Variants in RASL12 observed in about 807,000 individuals in gnomAD.
The protein encoded by RASL12 is ras-like protein family member 12.
In RASL12, 16 loss-of-function variants were observed where a neutral mutation model predicts 22.9. The ratio of observed to expected loss-of-function variants is 0.70; its 90% CI spans 0.47 to 1.06. The LOEUF (loss-of-function observed/expected upper bound fraction) is 1.06. Among genes scored for constraint, RASL12 ranks in the 50% least tolerant of loss-of-function variants. The pLI, the probability that RASL12 is intolerant of heterozygous loss-of-function variation, is 0.00. For missense variants in RASL12, 306 were observed against 353.1 expected, an observed-to-expected ratio of 0.87 and a Z score of 1.07; for synonymous variants, 159 against 152.2, an observed-to-expected ratio of 1.04 and a Z score of -0.33.
Position 65,055,209 on chromosome 15 carries a change from G to A in RASL12, c.491C>T (p.Ser164Phe). 6.2e-7 allele frequency: 1 copy of A among 1,610,162 alleles called. No homozygotes were observed. ...CACGTGCTCAAAGTCCAGACAGGCAGAGACCTCGAAAAACAGGCACCCAAA... is the reference window on the plus strand; with the variant it reads ...CACGTGCTCAAAGTCCAGACAGGCAAAGACCTCGAAAAACAGGCACCCAAA... ...GRFGCLFFEVSACLDFEHVQH... is the reference protein window; with the variant it reads ...GRFGCLFFEVFACLDFEHVQH... Residue 164 changes from serine to phenylalanine, a missense_variant, in exon 5 of 5, where the codon TCT (serine) becomes TTT (phenylalanine). Ser to Phe is a radical substitution (Grantham distance 155). Coordinates refer to ENST00000220062, the MANE Select transcript of RASL12 (RefSeq NM_016563.4).
chr15:65,076,355 C>T (rs1323872556), intron 1 of RASL12, among the ~76,000 whole-genome samples: 4 of 151,992 alleles, frequency 2.6e-5, no homozygotes, highest in South Asian at 2.1e-4. Context: ...CTGGGAGGAA[C>T]GAACAACTCC....
downstream of RASL12, among the ~76,000 whole-genome samples, chr15:65,052,044 G>A (rs2086660491): frequency 6.6e-6 from 1 of 152,164 alleles, no homozygotes; most frequent in South Asian, 2.1e-4. Flanking sequence ...GGAAGTCTAG[G>A]GGTACCTTGA....
At chr15:65,052,758 G>A (rs916915147), downstream of RASL12, among the ~76,000 whole-genome samples, 2 of 152,122 alleles carry the variant, frequency 1.3e-5, no homozygotes, top group Non-Finnish European at 2.9e-5. Flanking sequence ...TGAGCTCACA[G>A]GTGACAGTAA....
At chr15:65,062,914 C>T (rs999854408) in intron 2 of RASL12, among the ~76,000 whole-genome samples, 2 of 152,214 alleles carry the variant, frequency 1.3e-5, no homozygotes, top group African/African-American at 4.8e-5. Flanking sequence ...CCCAGAGAGT[C>T]TGAGGGGAGA....
rs142328411 is a variant in RASL12 at position 65,063,105 on chromosome 15, T to C, written c.160+2112A>G. ...TCAAACCACCACCCTAATAGGCTCA[T>C]CCGGTGGCACCCTGTGACAGTATCG... On this transcript the variant is annotated intron_variant, in intron 2 of 4. Coordinates refer to ENST00000220062, the MANE Select transcript of RASL12 (RefSeq NM_016563.4). Among the ~76,000 whole-genome samples the C allele has an allele frequency of 2.4e-4, 37 of 151,952 alleles. No homozygotes were observed. The East Asian group carries it at 7.0e-3, about 29-fold the overall frequency.
downstream of RASL12, among the ~76,000 whole-genome samples, chr15:65,050,833 CTTCTTTTTTT>C (rs1183102175): frequency 2.3e-5 from 2 of 88,600 alleles, no homozygotes; most frequent in South Asian, 5.1e-4. Flanking sequence ...TCTTCTTCTT[CTTCTTTTTTT>C]TTTTTTTTTT....
intron 2 of RASL12, among the ~76,000 whole-genome samples, chr15:65,061,540 T>C (rs2086804839): frequency 6.6e-6 from 1 of 152,186 alleles, no homozygotes; most frequent in Admixed American, 6.5e-5. Flanking sequence ...CTTCCTATCA[T>C]CAAGTCCCTG....
rs911179995 is a variant in RASL12 at position 65,054,204 on chromosome 15, ATCTG to A, written c.*691_*694del. 2.3e-4 allele frequency: 231 copies of A among 985,936 alleles called. 1 individual carries two copies. In the African/African-American group the frequency reaches 3.8e-3, roughly 16 times the overall value. 61.1% of individuals were successfully genotyped at this position (985,936 alleles called of 1,614,324 possible). ...TTAACAGTGGGAAAACACATGGAGA[ATCTG>A]TCTGCTGGTGAAAGAACTCTGGGGC... On this transcript the variant is annotated 3_prime_UTR_variant, in exon 5 of 5. Coordinates refer to ENST00000220062, the MANE Select transcript of RASL12 (RefSeq NM_016563.4).
rs147109320 is a variant in RASL12 at position 65,074,350 on chromosome 15, A to C, written c.70+2179T>G. The stretch of plus-strand genomic sequence containing the variant: ...ACCGGGATATTTCGGATACTGTCCC[A>C]TGACTGTGAAATAGGTGTTATTATT... On this transcript the variant is annotated intron_variant, in intron 1 of 4. Coordinates refer to the RASL12 transcript ENST00000434605. 3.3e-3 allele frequency among the ~76,000 whole-genome samples: 505 copies of C among 152,270 alleles called. 4 individuals carry two copies. The highest frequency in any genetic ancestry group is 0.01 in the Middle Eastern group (3 of 294).
chr15:65,066,144 G>C (rs1188404193), intron 1 of RASL12, among the ~76,000 whole-genome samples: 1 of 148,656 alleles, frequency 6.7e-6, no homozygotes, highest in African/African-American at 2.5e-5. Flanking sequence ...AGAAAAAAAA[G>C]AAAGAAGAAG....
At chr15:65,062,945 C>T (rs1482352779) in intron 2 of RASL12, among the ~76,000 whole-genome samples, 2 of 152,234 alleles carry the variant, frequency 1.3e-5, no homozygotes, top group Non-Finnish European at 2.9e-5. Flanking sequence ...GGCTCTCTGA[C>T]TCGTGGGCTG....
In RASL12 at chr15:65,066,472, G is replaced by A. The variant is rs186850656; in HGVS notation, c.104-1199C>T. Among the ~76,000 whole-genome samples, 84 of 151,872 alleles carry A rather than the reference G, an allele frequency of 5.5e-4. No individual in the cohort carries two copies. In the East Asian group the frequency reaches 0.014, roughly 24 times the overall value. ...TGAGGCTATAGTGAGTCATGATCGC[G>A]CCATTGTACTCCAGCCTGAGTGACA... On this transcript the variant is annotated intron_variant, in intron 1 of 4. Coordinates refer to ENST00000220062, the MANE Select transcript of RASL12 (RefSeq NM_016563.4).
chr15:65,053,146 A>C, downstream of RASL12: 1 of 1,614,038 alleles, frequency 6.2e-7, no homozygotes. Context: ...TTCCGGATGT[A>C]CCAGAAACTG....
In RASL12 at chr15:65,053,346, TA is replaced by T. The variant is rs528502893; in HGVS notation, c.*1552del. 1.9e-5 allele frequency: 27 copies of T among 1,416,250 alleles called. No homozygotes were observed. The Admixed American group carries it at 2.5e-4, about 13-fold the overall frequency. 87.7% of individuals were successfully genotyped at this position (1,416,250 alleles called of 1,614,324 possible). On this transcript the variant is annotated 3_prime_UTR_variant, in exon 5 of 5. Transcript: ENST00000220062. ...TGCAAGCAAACTAAAATTCTGTTAT[TA>T]AAAAAAATCTTTTATTAAAATGCTC...
chr15:65,048,438 T>A (rs1483572194), downstream of RASL12, among the ~76,000 whole-genome samples: 2 of 152,220 alleles, frequency 1.3e-5, no homozygotes, highest in East Asian at 3.8e-4. Flanking sequence ...CTGTTTGCCA[T>A]CTAGCTGTTT....
chr15:65,051,816 C>A (rs377196715), downstream of RASL12, among the ~76,000 whole-genome samples: 1 of 152,228 alleles, frequency 6.6e-6, no homozygotes, highest in African/African-American at 2.4e-5. Context: ...CTGATTACCA[C>A]CCCCTGGCCC....
At position 65,053,357 on chromosome 15, in the gene RASL12, T is replaced by C. The variant is rs1191965914; in HGVS notation, c.*1542A>G. 2 of 1,411,566 alleles carry C rather than the reference T, an allele frequency of 1.4e-6. No individual in the cohort carries two copies. Among genetic ancestry groups the C allele is most frequent in the Middle Eastern group, 2.6e-4 (1 of 3,810 alleles). The allele number at this position is 1,411,566 out of a possible 1,614,324, so 87.4% of individuals were successfully genotyped here. A position where few individuals can be genotyped will look rare whatever the true frequency, so the allele number is the denominator to read the frequency against. ...TAAAATTCTGTTATTAAAAAAAATC[T>C]TTTATTAAAATGCTCCTGGAAGGGA... On this transcript the variant is annotated 3_prime_UTR_variant, in exon 5 of 5. Coordinates refer to ENST00000220062, the MANE Select transcript of RASL12 (RefSeq NM_016563.4).
chr15:65,072,630 C>T (rs2086939723), upstream of RASL12, among the ~76,000 whole-genome samples: 1 of 152,188 alleles, frequency 6.6e-6, no homozygotes, highest in South Asian at 2.1e-4. Flanking sequence ...TCCATTCCAT[C>T]CCAAGCTCCA....
downstream of RASL12, chr15:65,051,394 G>T (rs1173789305): frequency 4.6e-6 from 4 of 869,404 alleles, no homozygotes; most frequent in Non-Finnish European, 7.5e-6. Flanking sequence ...CTTTGATTAG[G>T]GTCTCCACGC....
Sources: allele counts gnomAD v4.1 joint callset (sites outside exome capture counted in the v4.1 genomes callset), GRCh38; gene constraint gnomAD v4.1.1; transcripts MANE v1.5; gene names NCBI Gene and HGNC (gene_info 2026-07-23, HGNC 2026-07-21).